Variants in DUSP14 observed in about 807,000 individuals in gnomAD.
DUSP14 encodes the protein dual specificity phosphatase 14, also known as dual specificity protein phosphatase 14.
Under a neutral mutation model 13.2 loss-of-function variants are expected in DUSP14, and 5 were observed. That is an observed-to-expected ratio of 0.38 (90% CI 0.20 to 0.80). The LOEUF is 0.80. Ranked by LOEUF, DUSP14 falls within the 30% of genes least tolerant of loss-of-function variation. The pLI, the probability that DUSP14 is intolerant of heterozygous loss-of-function variation, is 0.44. For synonymous variants in DUSP14, 91 were observed against 103.4 expected, an observed-to-expected ratio of 0.88 and a Z score of 0.73; for missense variants, 185 against 264.0, an observed-to-expected ratio of 0.70 and a Z score of 2.07.
chr17:37,488,603 T>G (rs931731786), upstream of DUSP14, among the ~76,000 whole-genome samples: 9 of 152,226 alleles, frequency 5.9e-5, no homozygotes, highest in African/African-American at 2.2e-4. Context: ...GCTGCTTTGT[T>G]TTCTCTTAGA....
chr17:37,490,171 C>T (rs958946705), intron 1 of DUSP14, among the ~76,000 whole-genome samples: 13 of 151,418 alleles, frequency 8.6e-5, no homozygotes, highest in African/African-American at 1.9e-4. Flanking sequence ...CCGAGACCTT[C>T]CGCAGCGCAC....
Position 37,499,739 on chromosome 17 carries a change from G to A in DUSP14, c.-181+9781G>A, listed in dbSNP as rs575472858. ...GAGACGGGGTTTCACCATGTTGGCC[G>A]GGCTGGTCTCAAACTCCTGACCTCA... On this transcript the variant is annotated intron_variant, in intron 1 of 2. Transcript: ENST00000617516. 5.2e-4 allele frequency among the ~76,000 whole-genome samples: 79 copies of A among 151,634 alleles called. No homozygotes were observed. In the Middle Eastern group the frequency reaches 0.01, roughly 20 times the overall value.
intron 1 of DUSP14, among the ~76,000 whole-genome samples, chr17:37,509,359 C>A (rs1322007885): frequency 7.2e-6 from 1 of 139,758 alleles, no homozygotes; most frequent in Non-Finnish European, 1.5e-5. Flanking sequence ...CTCTGTTGCC[C>A]AGGCTGGAGT....
At chr17:37,509,691 G>A (rs947729494) in intron 1 of DUSP14, among the ~76,000 whole-genome samples, 1 of 152,054 alleles carries the variant, frequency 6.6e-6, no homozygotes, top group Non-Finnish European at 1.5e-5. Context: ...AAACCATAGT[G>A]ATAAGAAAGA....
intron 1 of DUSP14, among the ~76,000 whole-genome samples, chr17:37,504,982 C>T (rs1052665760): frequency 2.6e-5 from 4 of 152,226 alleles, no homozygotes; most frequent in African/African-American, 9.6e-5. Context: ...GCCTCCGCCT[C>T]CCGGGTTCAA....
intron 1 of DUSP14, among the ~76,000 whole-genome samples, chr17:37,494,819 A>T (rs985712340): frequency 6.6e-6 from 1 of 152,236 alleles, no homozygotes; most frequent in Non-Finnish European, 1.5e-5. Context: ...GGGATGATGG[A>T]AGAACACTAG....
At chr17:37,509,086 CCAA>C (rs1368252850) in intron 1 of DUSP14, among the ~76,000 whole-genome samples, 1 of 24,672 alleles carries the variant, frequency 4.1e-5, no homozygotes, top group Non-Finnish European at 6.2e-5. Context: ...AGAAGCCAGA[CCAA>C]AAAAAAAAAA....
chr17:37,503,746 A>G (rs1403944277), intron 1 of DUSP14, among the ~76,000 whole-genome samples: 1 of 152,134 alleles, frequency 6.6e-6, no homozygotes, highest in African/African-American at 2.4e-5. Flanking sequence ...TCTGTTTCCA[A>G]CATGGAGAAT....
At chr17:37,502,758 G>A (rs1210587828) in intron 1 of DUSP14, among the ~76,000 whole-genome samples, 3 of 152,050 alleles carry the variant, frequency 2.0e-5, no homozygotes, top group Non-Finnish European at 4.4e-5. Flanking sequence ...AGCTAGTTTG[G>A]GCTTCCTCAC....
chr17:37,496,713 A>G (rs2054067638), intron 1 of DUSP14, among the ~76,000 whole-genome samples: 1 of 152,074 alleles, frequency 6.6e-6, no homozygotes, highest in African/African-American at 2.4e-5. Context: ...AGATCATACC[A>G]CTGCAATCCA....
chr17:37,493,285 T>C (rs1460412541), intron 1 of DUSP14, among the ~76,000 whole-genome samples: 2 of 152,166 alleles, frequency 1.3e-5, no homozygotes, highest in East Asian at 3.8e-4. Flanking sequence ...TTTTGTCTTA[T>C]GAACATACCA....
At chr17:37,508,431 G>A in intron 1 of DUSP14, among the ~76,000 whole-genome samples, 1 of 152,156 alleles carries the variant, frequency 6.6e-6, no homozygotes, top group East Asian at 1.9e-4. Context: ...GCATTATAAT[G>A]ATAGAAATAG....
intron 1 of DUSP14, among the ~76,000 whole-genome samples, chr17:37,493,197 A>G (rs932439440): frequency 2.0e-5 from 3 of 152,178 alleles, no homozygotes; most frequent in African/African-American, 7.2e-5. Flanking sequence ...TCCTGGGCTC[A>G]AGGGATCCTC....
At chr17:37,493,309 C>T (rs2054041557) in intron 1 of DUSP14, among the ~76,000 whole-genome samples, 2 of 152,090 alleles carry the variant, frequency 1.3e-5, no homozygotes, top group African/African-American at 2.4e-5. Flanking sequence ...ATTACCTTTC[C>T]ACTGTTGATG....
upstream of DUSP14, among the ~76,000 whole-genome samples, chr17:37,488,576 T>G (rs779028787): frequency 2.0e-5 from 3 of 152,266 alleles, no homozygotes; most frequent in Non-Finnish European, 2.9e-5. Flanking sequence ...AGTGGTTTCC[T>G]GAATCTAGCA....
At chr17:37,500,353 A>G (rs2054097271) in intron 1 of DUSP14, among the ~76,000 whole-genome samples, 1 of 152,234 alleles carries the variant, frequency 6.6e-6, no homozygotes, top group Non-Finnish European at 1.5e-5. Context: ...AAGATGATCA[A>G]AGGGTGATTA....
At chr17:37,493,757 C>T (rs1035578827) in intron 1 of DUSP14, among the ~76,000 whole-genome samples, 2 of 149,828 alleles carry the variant, frequency 1.3e-5, no homozygotes, top group Non-Finnish European at 3.0e-5. Flanking sequence ...GTGGCTAGTA[C>T]CTAGATGTTT....
intron 1 of DUSP14, among the ~76,000 whole-genome samples, chr17:37,504,372 C>G (rs1016482129): frequency 6.6e-5 from 10 of 152,182 alleles, no homozygotes; most frequent in Non-Finnish European, 1.3e-4. Context: ...GTGTGACTCT[C>G]AGTCTTTGGC....
At chr17:37,507,927 G>A (rs1298660781) in intron 1 of DUSP14, among the ~76,000 whole-genome samples, 1 of 152,256 alleles carries the variant, frequency 6.6e-6, no homozygotes, top group Non-Finnish European at 1.5e-5. Flanking sequence ...AGTGGCAGGA[G>A]ACCCTGCTCT....
Sources: allele counts gnomAD v4.1 joint callset (sites outside exome capture counted in the v4.1 genomes callset), GRCh38; gene constraint gnomAD v4.1.1; transcripts MANE v1.5; gene names NCBI Gene and HGNC (gene_info 2026-07-23, HGNC 2026-07-21).